The following COL13A1 variants were observed in gnomAD, a reference collection of about 807,000 sequenced individuals.
The protein encoded by COL13A1 is collagen type XIII alpha 1 chain.
COL13A1 carries 89 observed loss-of-function variants against 130.9 expected under a neutral mutation model. That is an observed-to-expected ratio of 0.68 (90% CI 0.57 to 0.81). The LOEUF is 0.81. Ranked by LOEUF, COL13A1 falls within the 30% of genes least tolerant of loss-of-function variation. The pLI is 0.00. For missense variants in COL13A1, 879 were observed against 934.6 expected, an observed-to-expected ratio of 0.94 and a Z score of 0.78; for synonymous variants, 402 against 341.6, an observed-to-expected ratio of 1.18 and a Z score of -1.95.
chr10:69,902,928 G>GC, intron 15 of COL13A1, 73 bp downstream of exon 15: 2 of 1,207,744 alleles, frequency 1.7e-6, no homozygotes, highest in Non-Finnish European at 2.3e-6. Context: ...CCTTGAATAG[G>GC]CAGTGGGTCC....
intron 30 of COL13A1, chr10:69,931,056 C>A: frequency 2.5e-6 from 1 of 403,410 alleles, no homozygotes; most frequent in Non-Finnish European, 5.1e-6. Flanking sequence ...ATCCTAGACA[C>A]CTACCCTTGG....
At chr10:69,936,854 C>A in intron 33 of COL13A1, 72 bp downstream of exon 33, 1 of 1,589,944 alleles carries the variant, frequency 6.3e-7, no homozygotes. Flanking sequence ...CTGAGACCAG[C>A]TGACCCTTTT....
At chr10:69,929,303 C>T (rs966160690) in intron 28 of COL13A1, among the ~76,000 whole-genome samples, 3 of 151,918 alleles carry the variant, frequency 2.0e-5, no homozygotes, top group South Asian at 2.1e-4. Flanking sequence ...TCAGGGACCT[C>T]GGCATCTGAG....
rs756012935 is a variant in COL13A1, at chr10:69,921,940, G to T, written c.1143+5G>T. On this transcript the variant is annotated splice_donor_5th_base_variant and intron_variant, in intron 22 of 40. Transcript: ENST00000645393. ...CCTGGCCTCCTGGGGCAGAAGGTAGGTGTTGCTCTGAATGGAGGGTTCAAG... is the reference window on the plus strand; with the variant it reads ...CCTGGCCTCCTGGGGCAGAAGGTAGTTGTTGCTCTGAATGGAGGGTTCAAG... The T allele has an allele frequency of 2.3e-5, 37 of 1,602,196 alleles. No individual in the cohort carries two copies. The highest frequency in any genetic ancestry group is 3.1e-5 in the Non-Finnish European group (36 of 1,174,644).
rs573609986 is a variant in COL13A1, at chr10:69,846,287, G to GGA, written c.365-21507_365-21506dup. On this transcript the variant is annotated intron_variant, in intron 2 of 40. Coordinates refer to ENST00000645393, the MANE Select transcript of COL13A1 (RefSeq NM_001368882.1). ...GTCTGGTGGCACTGGAGGGGCTGGG[G>GGA]GAGAGTGTCCTGGTTCCTAATCAAC... Among the ~76,000 whole-genome samples, 795 of 152,312 alleles carry GGA rather than the reference G, an allele frequency of 5.2e-3. 9 individuals carry two copies. The highest frequency in any genetic ancestry group is 0.018 in the African/African-American group (749 of 41,554).
chr10:69,843,485 A>C (rs1412865020), intron 2 of COL13A1, among the ~76,000 whole-genome samples: 1 of 152,234 alleles, frequency 6.6e-6, no homozygotes. Context: ...GAATTAAATA[A>C]AATTTAAAAT....
chr10:69,846,246 T>C (rs1853022402), intron 2 of COL13A1, among the ~76,000 whole-genome samples: 2 of 152,046 alleles, frequency 1.3e-5, no homozygotes, highest in African/African-American at 2.4e-5. Flanking sequence ...CAAGACAGGG[T>C]CCTGGATGAA....
chr10:69,869,602 G>A lies in COL13A1; in HGVS notation c.372+1797G>A, dbSNP rs79428040. On this transcript the variant is annotated intron_variant, in intron 3 of 40. Transcript: ENST00000645393. ...CTGTGCAGGATGGATTAAAGCTGCA[G>A]CAGGAACCATTTAGGTGGAAGTAAA... Among the ~76,000 whole-genome samples the A allele has an allele frequency of 4.9e-3, 743 of 152,316 alleles. 12 individuals carry two copies. The highest frequency in any genetic ancestry group is 0.017 in the African/African-American group (699 of 41,564).
intron 32 of COL13A1, among the ~76,000 whole-genome samples, chr10:69,936,528 C>T (rs948362934): frequency 6.6e-6 from 1 of 152,192 alleles, no homozygotes; most frequent in East Asian, 1.9e-4. Context: ...ATGAGGACCA[C>T]AGAGAGATTT....
At chr10:69,905,961 C>G (rs1458732635) in intron 17 of COL13A1, 139 bp downstream of exon 17, 1 of 910,770 alleles carries the variant, frequency 1.1e-6, no homozygotes, top group Non-Finnish European at 1.7e-6. Context: ...TTCTCACTGG[C>G]CCCCCGAGGG....
Position 69,947,302 on chromosome 10 carries a change from T to G in COL13A1, c.2023-5T>G, listed in dbSNP as rs764763575. 1 of 1,613,606 alleles carries G rather than the reference T, an allele frequency of 6.2e-7. No individual in the cohort carries two copies. The highest frequency in any genetic ancestry group is 8.5e-7 in the Non-Finnish European group (1 of 1,179,708). On this transcript the variant is annotated splice_polypyrimidine_tract_variant and splice_region_variant and intron_variant, in intron 37 of 40. Transcript: ENST00000645393. ...ACATGCCTTTCTTCCTCTGATCTCT[T>G]GCAGGGTTTACATGGACCACCCGGG...
chr10:69,943,186 G>A (rs116987390), intron 35 of COL13A1, among the ~76,000 whole-genome samples: 2,659 of 152,278 alleles, frequency 0.017, 44 homozygotes, highest in South Asian at 0.07. Flanking sequence ...GATGCCTGCA[G>A]CCTTCCTTCC....
At position 69,888,290 on chromosome 10, in the gene COL13A1, C is replaced by A; in HGVS notation, c.550-14C>A. 1 of 1,612,806 alleles carries A rather than the reference C, an allele frequency of 6.2e-7. No homozygotes were observed. The highest frequency in any genetic ancestry group is 8.5e-7 in the Non-Finnish European group (1 of 1,179,458). ...GTGATGCTCAGTCTTTACATCTGGC[C>A]TTTCTGGTTTCAGGGTCCCATTGGG... On this transcript the variant is annotated splice_polypyrimidine_tract_variant and intron_variant, in intron 8 of 40. Coordinates refer to ENST00000645393, the MANE Select transcript of COL13A1 (RefSeq NM_001368882.1).
chr10:69,946,532 C>G (rs928594186), intron 37 of COL13A1, among the ~76,000 whole-genome samples: 1 of 152,184 alleles, frequency 6.6e-6, no homozygotes, highest in Non-Finnish European at 1.5e-5. Context: ...TGGCCAGGTA[C>G]GCACATCTGG....
intron 5 of COL13A1, among the ~76,000 whole-genome samples, chr10:69,876,833 C>T (rs1031625887): frequency 6.6e-6 from 1 of 152,178 alleles, no homozygotes; most frequent in African/African-American, 2.4e-5. Context: ...ACCCCAAAGT[C>T]CCTGCTCCCA....
chr10:69,808,652 C>A (rs562674533), intron 1 of COL13A1, among the ~76,000 whole-genome samples: 4 of 152,356 alleles, frequency 2.6e-5, no homozygotes, highest in Admixed American at 2.6e-4. Flanking sequence ...CCACATTGTA[C>A]AACGGTCTCT....
chr10:69,920,816 G>A (rs2064561320), intron 21 of COL13A1, among the ~76,000 whole-genome samples: 1 of 152,214 alleles, frequency 6.6e-6, no homozygotes, highest in Non-Finnish European at 1.5e-5. Flanking sequence ...AAAGAAGGCA[G>A]AGCATCAGGG....
chr10:69,941,072 G>T, intron 35 of COL13A1, 49 bp downstream of exon 35: 2 of 1,613,006 alleles, frequency 1.2e-6, no homozygotes, highest in East Asian at 4.5e-5. Context: ...CTCCACACCT[G>T]GCCTGTGATC....
intron 1 of COL13A1, among the ~76,000 whole-genome samples, chr10:69,806,996 G>A (rs1428223483): frequency 6.6e-6 from 1 of 152,158 alleles, no homozygotes; most frequent in East Asian, 1.9e-4. Context: ...GACAGAGCAA[G>A]ACTCCGTCTC....
Sources: allele counts gnomAD v4.1 joint callset (sites outside exome capture counted in the v4.1 genomes callset), GRCh38; gene constraint gnomAD v4.1.1; transcripts MANE v1.5; gene names NCBI Gene and HGNC (gene_info 2026-07-23, HGNC 2026-07-21).